PEX14: variants seen among roughly 807,000 people sequenced by gnomAD.
PEX14 encodes peroxisomal biogenesis factor 14.
In PEX14, 15 loss-of-function variants were observed where a neutral mutation model predicts 49.5. The observed-to-expected ratio is 0.30, with a 90% confidence interval of 0.20 to 0.47. PEX14 has a LOEUF of 0.47. Among genes scored for constraint, PEX14 ranks in the 20% least tolerant of loss-of-function variants. PEX14 has a pLI of 1.00. For synonymous variants in PEX14, 210 were observed against 212.7 expected (o/e 0.99, Z 0.11); for missense variants, 398 against 494.8 (o/e 0.80, Z 1.86).
chr1:10,556,928 C>T (rs1273186591), intron 3 of PEX14, among the ~76,000 whole-genome samples: 1 of 152,122 alleles, frequency 6.6e-6, no homozygotes, highest in Non-Finnish European at 1.5e-5. Flanking sequence ...AGGGAGGGCA[C>T]AAATCTGGAA....
intron 7 of PEX14, among the ~76,000 whole-genome samples, chr1:10,627,056 C>T (rs768113867): frequency 3.3e-5 from 5 of 152,214 alleles, no homozygotes; most frequent in East Asian, 1.9e-4. Flanking sequence ...TGATTCCTTA[C>T]GTCATCAGAT....
intron 3 of PEX14, among the ~76,000 whole-genome samples, chr1:10,588,989 C>T (rs969444849): frequency 3.3e-5 from 5 of 152,130 alleles, no homozygotes; most frequent in Non-Finnish European, 5.9e-5. Flanking sequence ...TTCAGGCATT[C>T]GCTGAGTGTC....
At chr1:10,551,915 A>G (rs1245579403) in intron 3 of PEX14, among the ~76,000 whole-genome samples, 2 of 151,910 alleles carry the variant, frequency 1.3e-5, no homozygotes, top group Non-Finnish European at 2.9e-5. Flanking sequence ...CAACATGGTG[A>G]AACCCCGCCT....
intron 1 of PEX14, among the ~76,000 whole-genome samples, chr1:10,479,360 G>C (rs150870873): frequency 7.9e-5 from 12 of 152,184 alleles, no homozygotes; most frequent in African/African-American, 2.9e-4. Flanking sequence ...CTGGGTGAGA[G>C]AGCAATACCC....
At chr1:10,536,344 G>A (rs773685592) in intron 3 of PEX14, 47 bp downstream of exon 3, 12 of 1,166,370 alleles carry the variant, frequency 1.0e-5, no homozygotes, top group Middle Eastern at 1.9e-4. Context: ...GGGGGACTGG[G>A]GCTGGGGCAG....
intron 3 of PEX14, among the ~76,000 whole-genome samples, chr1:10,590,243 G>A (rs1166651581): frequency 2.6e-5 from 4 of 152,242 alleles, no homozygotes; most frequent in African/African-American, 9.6e-5. Flanking sequence ...CCGTGAGCCT[G>A]CAAACCGTGA....
chr1:10,593,908 A>T (rs1202310079), intron 3 of PEX14, among the ~76,000 whole-genome samples: 1 of 152,216 alleles, frequency 6.6e-6, no homozygotes, highest in Non-Finnish European at 1.5e-5. Context: ...AGGTCGAAGC[A>T]AATGCTTCCA....
chr1:10,571,144 A>C (rs1196010407), intron 3 of PEX14, among the ~76,000 whole-genome samples: 1 of 150,232 alleles, frequency 6.7e-6, no homozygotes, highest in African/African-American at 2.5e-5. Context: ...GGTGTGAGCC[A>C]CTGTGCCCGG....
intron 1 of PEX14, among the ~76,000 whole-genome samples, chr1:10,478,220 A>G (rs1356597849): frequency 6.6e-6 from 1 of 152,216 alleles, no homozygotes; most frequent in East Asian, 1.9e-4. Context: ...AAATGCCAGA[A>G]CAGTGCCTGA....
intron 4 of PEX14, among the ~76,000 whole-genome samples, chr1:10,606,453 G>A (rs1445265628): frequency 6.6e-6 from 1 of 152,178 alleles, no homozygotes; most frequent in Non-Finnish European, 1.5e-5. Flanking sequence ...ATGTAGTCCT[G>A]ATCTCGTCAG....
chr1:10,573,088 C>T (rs1640026304), intron 3 of PEX14, among the ~76,000 whole-genome samples: 1 of 152,196 alleles, frequency 6.6e-6, no homozygotes, highest in African/African-American at 2.4e-5. Context: ...ATTATGATGG[C>T]TGTGACAGCA....
In PEX14 at chr1:10,599,302, G is replaced by A. The variant is rs778634623; in HGVS notation, c.234G>A (p.Ser78=). ...QQSGTAADEP[S]SLGPATQVVP... is the part of the protein sequence containing the mutation. ...CGGGCACTGCTGCCGATGAGCCTTCGTCCTTGGGCCCAGCCACACAGGTGG... is the reference window on the plus strand; with the variant it reads ...CGGGCACTGCTGCCGATGAGCCTTCATCCTTGGGCCCAGCCACACAGGTGG... The change falls in exon 4 of 9, where the codon TCG becomes TCA. Residue 78 remains serine (S), a synonymous_variant. Coordinates refer to ENST00000356607, the MANE Select transcript of PEX14 (RefSeq NM_004565.3). 2.2e-5 allele frequency: 35 copies of A among 1,613,992 alleles called. No homozygotes were observed. Among genetic ancestry groups the A allele is most frequent in the Non-Finnish European group, 2.9e-5 (34 of 1,180,008 alleles).
chr1:10,546,092 A>G (rs755883841), intron 3 of PEX14, among the ~76,000 whole-genome samples: 2 of 152,052 alleles, frequency 1.3e-5, no homozygotes, highest in Non-Finnish European at 2.9e-5. Context: ...AATGATATGG[A>G]AAGTGCTTAG....
At chr1:10,522,754 A>G (rs1400540955) in intron 2 of PEX14, among the ~76,000 whole-genome samples, 1 of 152,242 alleles carries the variant, frequency 6.6e-6, no homozygotes, top group Non-Finnish European at 1.5e-5. Flanking sequence ...GGCACCTCCT[A>G]GAATGAGGCA....
Position 10,628,578 on chromosome 1 carries a change from A to C in PEX14, c.678-953A>C, listed in dbSNP as rs1641817838. On this transcript the variant is annotated intron_variant, in intron 8 of 8. Coordinates refer to ENST00000356607, the MANE Select transcript of PEX14 (RefSeq NM_004565.3). This position sits in a 1 kb window ranked among gnomAD's most constrained non-coding sequence, Gnocchi z 4.5. Reference sequence around the variant, plus strand: ...GCATTGTCATTAGGAGACAGCCTCCATTTTCCCTAACCGAGACCAGTGCCT... The same window carrying C: ...GCATTGTCATTAGGAGACAGCCTCCCTTTTCCCTAACCGAGACCAGTGCCT... Among the ~76,000 whole-genome samples the C allele has an allele frequency of 6.6e-6, 1 of 152,246 alleles. No homozygotes were observed. Among genetic ancestry groups the C allele is most frequent in the South Asian group, 2.1e-4 (1 of 4,830 alleles).
intron 2 of PEX14, among the ~76,000 whole-genome samples, chr1:10,527,211 CAAA>C (rs35749900): frequency 8.5e-6 from 1 of 117,692 alleles, no homozygotes; most frequent in African/African-American, 3.3e-5. Flanking sequence ...GACTCTGTCT[CAAA>C]AAAAAAAAAA....
intron 3 of PEX14, among the ~76,000 whole-genome samples, chr1:10,549,694 G>T (rs1022806111): frequency 6.6e-6 from 1 of 152,204 alleles, no homozygotes; most frequent in South Asian, 2.1e-4. Flanking sequence ...AATATTTGCA[G>T]AATATTGTGT....
chr1:10,527,062 A>G (rs1638505041), intron 2 of PEX14, among the ~76,000 whole-genome samples: 1 of 151,918 alleles, frequency 6.6e-6, no homozygotes, highest in Non-Finnish European at 1.5e-5. Context: ...AAAAATAGAA[A>G]AATTAGCCAA....
rs1230052713 is a variant in PEX14 at position 10,494,991 on chromosome 1, C to T, written c.37-283C>T. The T allele has an allele frequency of 2.3e-6, 1 of 435,300 alleles. No homozygotes were observed. Among genetic ancestry groups the T allele is most frequent in the East Asian group, 1.6e-4 (1 of 6,356 alleles). 27.0% of individuals were successfully genotyped at this position (435,300 alleles called of 1,614,324 possible). On this transcript the variant is annotated intron_variant, in intron 1 of 8. Coordinates refer to ENST00000356607, the MANE Select transcript of PEX14 (RefSeq NM_004565.3). The surrounding 1 kb of genome is among the most constrained non-coding windows in gnomAD (Gnocchi z 4.3). ...GGGATGGTCCCCAGCCCTTGCTGCT[C>T]AGTAGGTGATCGTGGGCCTTCCTGA... is the stretch of plus-strand genomic sequence containing the variant.
Sources: allele counts gnomAD v4.1 joint callset (sites outside exome capture counted in the v4.1 genomes callset), GRCh38; gene constraint gnomAD v4.1.1; non-coding constraint Gnocchi (gnomAD v3.1); transcripts MANE v1.5; gene names NCBI Gene and HGNC (gene_info 2026-07-23, HGNC 2026-07-21).